The following PCSK5 variants were observed in gnomAD, a reference collection of about 807,000 sequenced individuals.
PCSK5 encodes the protein proprotein convertase subtilisin/kexin type 5.
In PCSK5, 129 loss-of-function variants were observed where a neutral mutation model predicts 233.2. That is an observed-to-expected ratio of 0.55 (90% CI 0.48 to 0.64). The LOEUF (loss-of-function observed/expected upper bound fraction) is 0.64. PCSK5 is among the 30% of genes least tolerant of loss of function. The pLI is 0.00. For synonymous variants in PCSK5, 825 were observed against 879.2 expected (o/e 0.94, Z 1.09); for missense variants, 2,076 against 2,430.1 (o/e 0.85, Z 3.06).
At chr9:76,275,004 C>T (rs937627773) in intron 24 of PCSK5, among the ~76,000 whole-genome samples, 2 of 152,152 alleles carry the variant, frequency 1.3e-5, no homozygotes, top group African/African-American at 4.8e-5. Context: ...AGAACTCACT[C>T]ATTCCCAAGA....
intron 24 of PCSK5, among the ~76,000 whole-genome samples, chr9:76,289,039 G>T (rs1372842349): frequency 6.6e-6 from 1 of 152,164 alleles, no homozygotes. Flanking sequence ...CGTGATGAGT[G>T]ACAGTACAGA....
At chr9:76,137,490 A>C (rs1209982657) in intron 10 of PCSK5, among the ~76,000 whole-genome samples, 2 of 152,146 alleles carry the variant, frequency 1.3e-5, no homozygotes, top group African/African-American at 4.8e-5. Flanking sequence ...TCATAGTATA[A>C]TTAAAATATC....
At chr9:76,085,139 G>T (rs1034229047) in intron 7 of PCSK5, among the ~76,000 whole-genome samples, 1 of 152,148 alleles carries the variant, frequency 6.6e-6, no homozygotes, top group Non-Finnish European at 1.5e-5. Context: ...GAGTGGGTCA[G>T]GTGGGCCCAT....
intron 9 of PCSK5, among the ~76,000 whole-genome samples, chr9:76,108,954 G>T (rs1243049701): frequency 1.3e-5 from 2 of 152,138 alleles, no homozygotes; most frequent in Non-Finnish European, 1.5e-5. Context: ...CCTGTCTCTG[G>T]GTGGCCTCTT....
chr9:76,116,677 T>A (rs1832438667), intron 9 of PCSK5, among the ~76,000 whole-genome samples: 1 of 152,142 alleles, frequency 6.6e-6, no homozygotes, highest in Non-Finnish European at 1.5e-5. Flanking sequence ...ATTGGTAATC[T>A]CATTTTATCC....
intron 24 of PCSK5, among the ~76,000 whole-genome samples, chr9:76,257,416 A>G (rs955808627): frequency 6.6e-6 from 1 of 152,212 alleles, no homozygotes; most frequent in Non-Finnish European, 1.5e-5. Flanking sequence ...CTGGTCTCCA[A>G]CTGAGAGTTG....
intron 1 of PCSK5, among the ~76,000 whole-genome samples, chr9:75,904,034 C>CT (rs1347002154): frequency 6.6e-6 from 1 of 152,072 alleles, no homozygotes; most frequent in Admixed American, 6.6e-5. Context: ...CCAGCAAGAC[C>CT]TTTTTTTCTT....
At chr9:75,925,343 A>G (rs767279687) in intron 1 of PCSK5, among the ~76,000 whole-genome samples, 19 of 152,228 alleles carry the variant, frequency 1.2e-4, no homozygotes, top group Non-Finnish European at 2.4e-4. Context: ...TAAGGTTTAG[A>G]GACATGCCCA....
At chr9:76,046,155 CTTTTGTTTTTTTT>C (rs1563992871) in intron 5 of PCSK5, among the ~76,000 whole-genome samples, 2,517 of 55,512 alleles carry the variant, frequency 0.045, 185 homozygotes, top group African/African-American at 0.12. Context: ...ATAATTTTTT[CTTTTGTTTTTTTT>C]TTTTTTTTTT....
At chr9:76,296,414 A>G (rs1235482807) in intron 26 of PCSK5, among the ~76,000 whole-genome samples, 3 of 152,176 alleles carry the variant, frequency 2.0e-5, no homozygotes, top group Non-Finnish European at 4.4e-5. Flanking sequence ...GTGGTGACAC[A>G]TACCTGTAGT....
chr9:76,283,150 A>G (rs1338726594), intron 24 of PCSK5, among the ~76,000 whole-genome samples: 1 of 152,232 alleles, frequency 6.6e-6, no homozygotes, highest in Non-Finnish European at 1.5e-5. Flanking sequence ...ATGAAAACAA[A>G]TGATTTAGAA....
chr9:75,922,617 A>T (rs1445776544), intron 1 of PCSK5, among the ~76,000 whole-genome samples: 1 of 152,158 alleles, frequency 6.6e-6, no homozygotes, highest in African/African-American at 2.4e-5. Context: ...ACTGGGAAGA[A>T]CTTTTTAACA....
At chr9:76,001,450 T>C (rs1827256663) in intron 3 of PCSK5, among the ~76,000 whole-genome samples, 2 of 148,156 alleles carry the variant, frequency 1.3e-5, no homozygotes, top group Non-Finnish European at 3.0e-5. Flanking sequence ...TGATTTCAAG[T>C]CTGCTCTACC....
chr9:76,089,214 G>C (rs1489910948), intron 7 of PCSK5, among the ~76,000 whole-genome samples: 1 of 152,180 alleles, frequency 6.6e-6, no homozygotes, highest in Non-Finnish European at 1.5e-5. Context: ...ACAGAGGACT[G>C]TGCTCTTTTC....
At chr9:76,063,136 CTT>C (rs112528508) in intron 5 of PCSK5, among the ~76,000 whole-genome samples, 12 of 146,332 alleles carry the variant, frequency 8.2e-5, no homozygotes, top group Non-Finnish European at 1.8e-4. Flanking sequence ...ATTTTTTTTT[CTT>C]TTTTTTTTCT....
intron 2 of PCSK5, among the ~76,000 whole-genome samples, chr9:75,939,503 T>C (rs1824205541): frequency 6.6e-6 from 1 of 152,204 alleles, no homozygotes; most frequent in Non-Finnish European, 1.5e-5. Flanking sequence ...GACAGTGTTA[T>C]CTGTAGGAGA....
chr9:76,289,453 C>T (rs192881645), intron 24 of PCSK5, among the ~76,000 whole-genome samples: 31 of 150,296 alleles, frequency 2.1e-4, no homozygotes, highest in Non-Finnish European at 4.3e-4. Context: ...TTAAGACTCC[C>T]TTCCCATTCC....
chr9:76,236,446 C>T (rs2131323455), intron 22 of PCSK5, among the ~76,000 whole-genome samples: 1 of 152,288 alleles, frequency 6.6e-6, no homozygotes, highest in South Asian at 2.1e-4. Flanking sequence ...CCTGTTTTCC[C>T]AGGAAAGTTT....
At chr9:75,913,383 A>G (rs1011391487) in intron 1 of PCSK5, among the ~76,000 whole-genome samples, 1 of 152,234 alleles carries the variant, frequency 6.6e-6, no homozygotes, top group African/African-American at 2.4e-5. Context: ...TGATCTTTAC[A>G]TAGCCACACA....
Sources: allele counts gnomAD v4.1 joint callset (sites outside exome capture counted in the v4.1 genomes callset), GRCh38; gene constraint gnomAD v4.1.1; transcripts MANE v1.5; gene names NCBI Gene and HGNC (gene_info 2026-07-23, HGNC 2026-07-21).